CNTN1: variants seen among roughly 807,000 people sequenced by gnomAD.
CNTN1 encodes contactin-1.
In CNTN1, 38 loss-of-function variants were observed where a neutral mutation model predicts 126.4. The observed-to-expected ratio is 0.30, with a 90% CI of 0.23 to 0.39. CNTN1 has a LOEUF of 0.39. Ranked by LOEUF, CNTN1 falls within the 10% of genes least tolerant of loss-of-function variation. The pLI is 1.00. For missense variants in CNTN1, 1,009 were observed against 1,248.4 expected (o/e 0.81, Z 2.89); for synonymous variants, 413 against 422.6 (o/e 0.98, Z 0.28).
Position 41,027,848 on chromosome 12 carries a change from T to A in CNTN1, c.2711-9T>A. 1 of 1,575,982 alleles carries A rather than the reference T, an allele frequency of 6.3e-7. No homozygotes were observed. Among genetic ancestry groups the A allele is most frequent in the Non-Finnish European group, 8.7e-7 (1 of 1,145,414 alleles). On this transcript the variant is annotated splice_polypyrimidine_tract_variant and intron_variant, in intron 21 of 23. Coordinates refer to ENST00000551295, the MANE Select transcript of CNTN1 (RefSeq NM_001843.4). ...GTGACCACTGATTGCATATTACTAC[T>A]TTTCACAGCTCCTAGCCAGCCTCCA... is the stretch of plus-strand genomic sequence containing the variant.
intron 1 of CNTN1, among the ~76,000 whole-genome samples, chr12:40,893,045 T>A (rs1360667202): frequency 6.6e-6 from 1 of 151,902 alleles, no homozygotes; most frequent in Non-Finnish European, 1.5e-5. Context: ...AACATTCTGA[T>A]GTAATGATTT....
chr12:40,899,858 G>A (rs1944546485), intron 1 of CNTN1, among the ~76,000 whole-genome samples: 1 of 152,110 alleles, frequency 6.6e-6, no homozygotes, highest in African/African-American at 2.4e-5. Flanking sequence ...TTATTGTTAT[G>A]AAAAATATGT....
intron 1 of CNTN1, among the ~76,000 whole-genome samples, chr12:40,746,736 C>T (rs116146904): frequency 6.6e-6 from 1 of 151,960 alleles, no homozygotes; most frequent in Non-Finnish European, 1.5e-5. Flanking sequence ...GGTGTAGGCA[C>T]GTTCACATGA....
intron 1 of CNTN1, among the ~76,000 whole-genome samples, chr12:40,774,531 G>T (rs1268749231): frequency 3.3e-5 from 5 of 151,650 alleles, no homozygotes; most frequent in African/African-American, 9.7e-5. Flanking sequence ...CTCCTCCAAG[G>T]AGAGAAAAAC....
chr12:40,877,570 TCTA>T (rs1943712846), intron 1 of CNTN1, among the ~76,000 whole-genome samples: 1 of 152,206 alleles, frequency 6.6e-6, no homozygotes, highest in Non-Finnish European at 1.5e-5. Context: ...TTTCAAATCG[TCTA>T]CTTTTATTGT....
At chr12:40,875,031 G>A (rs962686798) in intron 1 of CNTN1, among the ~76,000 whole-genome samples, 13 of 152,094 alleles carry the variant, frequency 8.5e-5, no homozygotes, top group African/African-American at 2.7e-4. Flanking sequence ...TTGGGCACAC[G>A]TATATACAAG....
chr12:40,813,042 T>TCTTTCTTTCTTG (rs1941130543), intron 1 of CNTN1, among the ~76,000 whole-genome samples: 1 of 69,154 alleles, frequency 1.4e-5, no homozygotes, highest in Admixed American at 1.5e-4. Context: ...TTCTTTCCTT[T>TCTTTCTTTCTTG]CTTTCTTTCT....
chr12:40,712,700 A>G (rs1226731552), intron 1 of CNTN1, among the ~76,000 whole-genome samples: 2 of 152,176 alleles, frequency 1.3e-5, no homozygotes, highest in Non-Finnish European at 2.9e-5. Flanking sequence ...GCATTATCAG[A>G]CAATAGCTGA....
At position 40,993,243 on chromosome 12, in the gene CNTN1, C is replaced by G; in HGVS notation, c.2087C>G (p.Ser696Cys). The G allele has an allele frequency of 6.2e-7, 1 of 1,613,726 alleles. No homozygotes were observed. The highest frequency in any genetic ancestry group is 8.5e-7 in the Non-Finnish European group (1 of 1,179,738). ...GGTAGAGGAGAGCCCAGTATACCAT[C>G]TAACAGAATTAAAACAGACGGTGCT... ...TLGRGEPSIP[S>C]NRIKTDGAAP... Residue 696 changes from serine (S) to cysteine (C), a missense_variant, in exon 17 of 24, where the codon TCT (serine) becomes TGT (cysteine). Physicochemically the swap from Ser to Cys is moderately radical, Grantham distance 112. Coordinates refer to ENST00000551295, the MANE Select transcript of CNTN1 (RefSeq NM_001843.4).
chr12:41,051,813 C>A (rs543562797), intron 23 of CNTN1, among the ~76,000 whole-genome samples: 34 of 150,812 alleles, frequency 2.3e-4, no homozygotes, highest in Non-Finnish European at 4.4e-4. Context: ...AAGATGAGAT[C>A]TTGTAAGAGG....
chr12:40,918,172 A>G (rs925942285), intron 3 of CNTN1, among the ~76,000 whole-genome samples: 1 of 152,174 alleles, frequency 6.6e-6, no homozygotes, highest in South Asian at 2.1e-4. Context: ...TAGCAAGTGT[A>G]TTAAGTACCA....
intron 1 of CNTN1, among the ~76,000 whole-genome samples, chr12:40,741,537 T>C (rs958176924): frequency 1.3e-5 from 2 of 152,126 alleles, no homozygotes; most frequent in African/African-American, 2.4e-5. Context: ...TACAAGGCTA[T>C]TGGTGTATTT....
chr12:41,037,441 C>G (rs961058819), intron 23 of CNTN1, among the ~76,000 whole-genome samples: 1 of 151,908 alleles, frequency 6.6e-6, no homozygotes, highest in Non-Finnish European at 1.5e-5. Context: ...GTATTCAGCA[C>G]AGTAATATGC....
At position 40,975,739 on chromosome 12, in the gene CNTN1, CA is replaced by C. The variant is rs141113055; in HGVS notation, c.1805-5167del. ...CCATCTGAAGTACAGAAAGGTAGCCCAAAGAAGGGTAGCAATTTGAACACTA... is the reference window on the plus strand; with the variant it reads ...CCATCTGAAGTACAGAAAGGTAGCCCAAGAAGGGTAGCAATTTGAACACTA... On this transcript the variant is annotated intron_variant, in intron 15 of 23. Coordinates refer to ENST00000551295, the MANE Select transcript of CNTN1 (RefSeq NM_001843.4). Among the ~76,000 whole-genome samples the C allele has an allele frequency of 3.9e-3, 585 of 151,888 alleles. 3 individuals carry two copies. Among genetic ancestry groups the C allele is most frequent in the African/African-American group, 0.013 (548 of 41,404 alleles).
chr12:41,052,079 T>G (rs1455656198), intron 23 of CNTN1, among the ~76,000 whole-genome samples: 1 of 152,134 alleles, frequency 6.6e-6, no homozygotes, highest in African/African-American at 2.4e-5. Flanking sequence ...TAGAGAACTG[T>G]GGGGGTAGAA....
chr12:40,963,532 G>T (rs116439410), intron 15 of CNTN1, among the ~76,000 whole-genome samples: 1 of 151,350 alleles, frequency 6.6e-6, no homozygotes, highest in Non-Finnish European at 1.5e-5. Context: ...AATATGTTGC[G>T]TTATGTTTAA....
chr12:40,897,141 G>A (rs1482498482), intron 1 of CNTN1, among the ~76,000 whole-genome samples: 3 of 152,180 alleles, frequency 2.0e-5, no homozygotes, highest in South Asian at 2.1e-4. Flanking sequence ...AATGAATGAT[G>A]AAATGATAGT....
rs1472595936 is a variant in CNTN1 at position 41,025,312 on chromosome 12, A to T, written c.2686A>T (p.Ile896Phe). Reference protein sequence around the residue: ...SAGCGPPSDMIEAFTKKAPPS... With the variant: ...SAGCGPPSDMFEAFTKKAPPS... ...AGGGTGTGGACCTCCAAGTGACATGATTGAGGCTTTCACCAAGAAAGCACG... is the reference window on the plus strand; with the variant it reads ...AGGGTGTGGACCTCCAAGTGACATGTTTGAGGCTTTCACCAAGAAAGCACG... Residue 896 changes from isoleucine (I) to phenylalanine (F), a missense_variant, in exon 21 of 24, where the codon ATT (isoleucine) becomes TTT (phenylalanine). Coordinates refer to ENST00000551295, the MANE Select transcript of CNTN1 (RefSeq NM_001843.4). The T allele has an allele frequency of 1.2e-6, 2 of 1,613,472 alleles. No homozygotes were observed. The highest frequency in any genetic ancestry group is 4.5e-5 in the East Asian group (2 of 44,862).
chr12:40,742,047 CCTT>C (rs920343249), intron 1 of CNTN1, among the ~76,000 whole-genome samples: 5 of 151,926 alleles, frequency 3.3e-5, no homozygotes, highest in Admixed American at 2.6e-4. Flanking sequence ...AGACAAAACT[CCTT>C]CTATTTATAA....
Sources: allele counts gnomAD v4.1 joint callset (sites outside exome capture counted in the v4.1 genomes callset), GRCh38; gene constraint gnomAD v4.1.1; transcripts MANE v1.5; gene names NCBI Gene and HGNC (gene_info 2026-07-23, HGNC 2026-07-21).